The following SLC5A11 variants were observed in gnomAD, a reference collection of about 807,000 sequenced individuals.
SLC5A11 encodes the protein sodium/myo-inositol cotransporter 2.
A neutral mutation model predicts 69.8 loss-of-function variants in SLC5A11; 48 were observed. That is an observed-to-expected ratio of 0.69 (90% CI 0.55 to 0.87). SLC5A11 has a LOEUF of 0.87. Among genes scored for constraint, SLC5A11 ranks in the 40% least tolerant of loss-of-function variants. The pLI is 0.00. For missense variants in SLC5A11, 784 were observed against 866.1 expected, an observed-to-expected ratio of 0.91 and a Z score of 1.19; for synonymous variants, 319 against 342.4, an observed-to-expected ratio of 0.93 and a Z score of 0.75.
At chr16:24,909,457 T>C (rs2050328462) in intron 14 of SLC5A11, among the ~76,000 whole-genome samples, 1 of 151,256 alleles carries the variant, frequency 6.6e-6, no homozygotes, top group Non-Finnish European at 1.5e-5. Context: ...CTGGGCAATA[T>C]AGTGAGATCC....
At chr16:24,897,707 G>A (rs772952315) in intron 9 of SLC5A11, among the ~76,000 whole-genome samples, 22 of 152,186 alleles carry the variant, frequency 1.4e-4, no homozygotes, top group Admixed American at 5.9e-4. Context: ...AGCAAGTCAC[G>A]TCTTACATGG....
chr16:24,874,778 C>T (rs961792054), intron 5 of SLC5A11, among the ~76,000 whole-genome samples: 2 of 152,082 alleles, frequency 1.3e-5, no homozygotes, highest in Non-Finnish European at 2.9e-5. Flanking sequence ...GACGGGGTTT[C>T]GCCAAGTTGT....
chr16:24,887,361 C>A (rs1479208138), intron 8 of SLC5A11, among the ~76,000 whole-genome samples: 1 of 152,060 alleles, frequency 6.6e-6, no homozygotes, highest in African/African-American at 2.4e-5. Flanking sequence ...AAGAATATAA[C>A]AATTTAATAA....
exon 12 of SLC5A11, chr16:24,907,129 C>T: frequency 6.2e-7 from 1 of 1,614,146 alleles, no homozygotes; most frequent in Non-Finnish European, 8.5e-7. Context: ...CCTCTGGAAT[C>T]ACCTCCGGCC....
Position 24,897,881 on chromosome 16 carries a change from T to A in SLC5A11, c.871-93T>A, listed in dbSNP as rs529360329. ...GACTCCCTCCCACAACATGTGGGAATTATGGGAGCTACAATTCAAGATGAG... is the reference window on the plus strand; with the variant it reads ...GACTCCCTCCCACAACATGTGGGAAATATGGGAGCTACAATTCAAGATGAG... On this transcript the variant is annotated intron_variant, in intron 9 of 15. Transcript: ENST00000347898. 145 of 1,501,926 alleles carry A rather than the reference T, an allele frequency of 9.7e-5. 1 individual carries two copies. The South Asian group carries it at 1.4e-3, about 15-fold the overall frequency. The allele number at this position is 1,501,926 out of a possible 1,614,324, so 93.0% of individuals were successfully genotyped here.
chr16:24,880,112 T>G (rs1200739549), intron 7 of SLC5A11, among the ~76,000 whole-genome samples: 1 of 152,106 alleles, frequency 6.6e-6, no homozygotes, highest in Non-Finnish European at 1.5e-5. Context: ...ATTTACACTC[T>G]GTATTAGTCC....
chr16:24,874,627 C>G (rs1415795523), intron 5 of SLC5A11, among the ~76,000 whole-genome samples: 5 of 152,108 alleles, frequency 3.3e-5, no homozygotes, highest in South Asian at 2.1e-4. Flanking sequence ...GGCGTGCCCT[C>G]AGCTCACTGC....
intron 10 of SLC5A11, among the ~76,000 whole-genome samples, chr16:24,906,342 C>CA (rs753153658): frequency 0.029 from 2,208 of 75,728 alleles, 31 homozygotes; most frequent in Middle Eastern, 0.068. Context: ...GGCTCCGTCT[C>CA]AAAAAAAAAA....
At chr16:24,860,714 G>GT (rs1459396020) in intron 2 of SLC5A11, among the ~76,000 whole-genome samples, 122 of 149,792 alleles carry the variant, frequency 8.1e-4, no homozygotes, top group Middle Eastern at 3.4e-3. Flanking sequence ...TTTGTTTTTT[G>GT]TTTTTTGTTT....
At chr16:24,873,247 G>GAGGAAGAAAGGAAGGA (rs1555524249) in intron 5 of SLC5A11, among the ~76,000 whole-genome samples, 3 of 101,412 alleles carry the variant, frequency 3.0e-5, no homozygotes, top group Non-Finnish European at 5.9e-5. Flanking sequence ...GAGAGGGAGG[G>GAGGAAGAAAGGAAGGA]AGGAAGGAAG....
At chr16:24,860,975 G>C (rs2059746315) in intron 2 of SLC5A11, among the ~76,000 whole-genome samples, 1 of 151,974 alleles carries the variant, frequency 6.6e-6, no homozygotes, top group African/African-American at 2.4e-5. Flanking sequence ...CCAAAGTGCT[G>C]GGATTACAGG....
At chr16:24,867,929 G>C (rs995095247) in intron 3 of SLC5A11, among the ~76,000 whole-genome samples, 2 of 152,018 alleles carry the variant, frequency 1.3e-5, no homozygotes, top group African/African-American at 4.8e-5. Context: ...CTGAACTCAT[G>C]AGTTTGAGAC....
chr16:24,910,608 G>T, intron 15 of SLC5A11, 131 bp downstream of exon 16: 1 of 1,029,936 alleles, frequency 9.7e-7, no homozygotes, highest in Non-Finnish European at 1.4e-6. Flanking sequence ...TCTGGCTCCA[G>T]TGTCTGATCT....
chr16:24,858,674 C>T, exon 2 of SLC5A11: 1 of 1,611,024 alleles, frequency 6.2e-7, no homozygotes, highest in Non-Finnish European at 8.5e-7. Context: ...CCCTCAGCCT[C>T]CACAGTTAGA....
At position 24,865,674 on chromosome 16, in the gene SLC5A11, C is replaced by T. The variant is rs372423873; in HGVS notation, c.207+3002C>T. ...AAAACTAATGTTGAGCAAAACTATCCTTTGAAAAAGGGGGAAATGTATACA... is the reference window on the plus strand; with the variant it reads ...AAAACTAATGTTGAGCAAAACTATCTTTTGAAAAAGGGGGAAATGTATACA... On this transcript the variant is annotated intron_variant, in intron 3 of 15. Transcript: ENST00000347898. Among the ~76,000 whole-genome samples the T allele has an allele frequency of 3.9e-5, 6 of 152,030 alleles. No homozygotes were observed. The South Asian group carries it at 8.3e-4, about 21-fold the overall frequency.
chr16:24,876,778 C>A (rs189037020), intron 6 of SLC5A11, among the ~76,000 whole-genome samples: 1 of 152,128 alleles, frequency 6.6e-6, no homozygotes, highest in African/African-American at 2.4e-5. Flanking sequence ...GCCCTCCAGA[C>A]GGAAGCACCA....
At position 24,885,117 on chromosome 16, in the gene SLC5A11, G is replaced by C. The variant is rs112512139; in HGVS notation, c.664+986G>C. 3.0e-3 allele frequency among the ~76,000 whole-genome samples: 453 copies of C among 152,154 alleles called. 2 individuals carry two copies. The highest frequency in any genetic ancestry group is 0.01 in the African/African-American group (416 of 41,502). ...TTTCAAAATATTCGCCCAATTCTTCGTACCAGCTTGTGTGGTGATCCTGTC... is the reference window on the plus strand; with the variant it reads ...TTTCAAAATATTCGCCCAATTCTTCCTACCAGCTTGTGTGGTGATCCTGTC... On this transcript the variant is annotated intron_variant, in intron 8 of 15. Coordinates refer to ENST00000347898, the Ensembl canonical transcript of SLC5A11.
intron 10 of SLC5A11, among the ~76,000 whole-genome samples, chr16:24,906,219 T>C (rs1443212742): frequency 2.0e-5 from 3 of 151,608 alleles, no homozygotes; most frequent in Non-Finnish European, 4.4e-5. Flanking sequence ...TGGGTGCCTG[T>C]AATCCCAGCT....
intron 1 of SLC5A11, among the ~76,000 whole-genome samples, chr16:24,857,010 G>A (rs118011475): frequency 0.03 from 4,494 of 152,110 alleles, 90 homozygotes; most frequent in Non-Finnish European, 0.048. Flanking sequence ...TAGTAGAGAC[G>A]GGGTCCACCA....
Sources: gnomAD v4.1 joint callset for allele counts (sites outside exome capture counted in the v4.1 genomes callset) on GRCh38, gnomAD v4.1.1 for gene constraint, MANE v1.5 for transcripts, NCBI Gene and HGNC (gene_info 2026-07-23, HGNC 2026-07-21) for gene names.